Variants in DNAJC12 observed in about 807,000 individuals in gnomAD.
The protein encoded by DNAJC12 is dnaJ homolog subfamily C member 12.
DNAJC12 carries 25 observed loss-of-function variants against 28.5 expected under a neutral mutation model. The observed-to-expected ratio is 0.88, with a 90% CI of 0.64 to 1.22. The LOEUF (loss-of-function observed/expected upper bound fraction) is 1.22, where lower values mean the gene tolerates loss of function less well. Ranked by LOEUF, DNAJC12 falls within the 50% of genes most tolerant of loss-of-function variation. DNAJC12 has a pLI of 0.00. For missense variants in DNAJC12, 222 were observed against 231.7 expected (o/e 0.96, Z 0.27); for synonymous variants, 77 against 80.6 (o/e 0.95, Z 0.24).
At chr10:67,823,660 C>A (rs1202563221) in intron 1 of DNAJC12, among the ~76,000 whole-genome samples, 1 of 151,678 alleles carries the variant, frequency 6.6e-6, no homozygotes, top group South Asian at 2.1e-4. Context: ...ATGATGGCAC[C>A]GCTGCACTCC....
chr10:67,826,068 A>C (rs142366201), intron 1 of DNAJC12, among the ~76,000 whole-genome samples: 26 of 152,330 alleles, frequency 1.7e-4, no homozygotes, highest in African/African-American at 6.3e-4. Flanking sequence ...AAAAGTCAAA[A>C]TCCTTTTATT....
At chr10:67,826,457 T>C (rs1441900450) in intron 1 of DNAJC12, among the ~76,000 whole-genome samples, 1 of 74,636 alleles carries the variant, frequency 1.3e-5, no homozygotes, top group Non-Finnish European at 3.3e-5. Flanking sequence ...TTAATGCATA[T>C]ATATATATGC....
At chr10:67,817,201 C>T (rs1462381165) in intron 2 of DNAJC12, among the ~76,000 whole-genome samples, 2 of 152,188 alleles carry the variant, frequency 1.3e-5, no homozygotes, top group African/African-American at 4.8e-5. Context: ...TAAGCACTTT[C>T]CACATGCAGG....
At chr10:67,832,486 T>G (rs1251729715) in intron 1 of DNAJC12, among the ~76,000 whole-genome samples, 1 of 152,058 alleles carries the variant, frequency 6.6e-6, no homozygotes, top group African/African-American at 2.4e-5. Flanking sequence ...AGACACAAAA[T>G]AAATAATGGT....
At chr10:67,828,670 C>CTA (rs1205412662) in intron 1 of DNAJC12, among the ~76,000 whole-genome samples, 41 of 151,478 alleles carry the variant, frequency 2.7e-4, no homozygotes, top group African/African-American at 9.0e-4. Context: ...CTCTCTCTCT[C>CTA]TCTCTATATA....
At chr10:67,812,310 C>T (rs1335749017) in intron 2 of DNAJC12, among the ~76,000 whole-genome samples, 1 of 152,100 alleles carries the variant, frequency 6.6e-6, no homozygotes. Context: ...GACAATAGCT[C>T]AATCAACCAG....
intron 3 of DNAJC12, among the ~76,000 whole-genome samples, chr10:67,806,542 G>T (rs901681700): frequency 2.0e-5 from 3 of 152,286 alleles, no homozygotes; most frequent in African/African-American, 7.2e-5. Context: ...AAAGAAAAGA[G>T]GCTGGGCACA....
At chr10:67,814,778 C>T (rs958168407) in intron 2 of DNAJC12, among the ~76,000 whole-genome samples, 17 of 152,024 alleles carry the variant, frequency 1.1e-4, no homozygotes, top group African/African-American at 4.1e-4. Flanking sequence ...AGTATTAGTC[C>T]TTCAGGAAAT....
intron 1 of DNAJC12, among the ~76,000 whole-genome samples, chr10:67,829,853 C>G (rs554737874): frequency 2.7e-4 from 41 of 151,828 alleles, no homozygotes; most frequent in South Asian, 1.5e-3. Context: ...TTTTAACAAC[C>G]TGAGAAAATT....
chr10:67,805,314 AAG>A (rs1401692527), intron 4 of DNAJC12, among the ~76,000 whole-genome samples: 1 of 152,168 alleles, frequency 6.6e-6, no homozygotes, highest in Non-Finnish European at 1.5e-5. Context: ...AATATATGTA[AAG>A]AGTGTTCCTG....
Position 67,823,392 on chromosome 10 carries a change from C to A in DNAJC12, c.79G>T (p.Val27Phe), listed in dbSNP as rs1841999432. 2 of 1,613,692 alleles carry A rather than the reference C, an allele frequency of 1.2e-6. No individual in the cohort carries two copies. Among genetic ancestry groups the A allele is most frequent in the African/African-American group, 1.3e-5 (1 of 74,988 alleles). ...TLLGCDELSS[V>F]EQILAEFKVR... Reference sequence around the variant, plus strand: ...TTAAATTCTGCCAGGATTTGTTCAACCTGAAACAAAAATCAGTGTTTAAAA... The same window carrying A: ...TTAAATTCTGCCAGGATTTGTTCAAACTGAAACAAAAATCAGTGTTTAAAA... Residue 27 changes from valine to phenylalanine, a missense_variant and splice_region_variant, in exon 2 of 5, where the codon GTT (valine) becomes TTT (phenylalanine). Val to Phe is a conservative substitution (Grantham distance 50). Transcript: ENST00000225171.
At chr10:67,807,661 C>T (rs117378410) in intron 3 of DNAJC12, among the ~76,000 whole-genome samples, 6,563 of 152,166 alleles carry the variant, frequency 0.043, 172 homozygotes, top group South Asian at 0.11. Context: ...ATTCAGGGCC[C>T]AGAGAGCTGA....
chr10:67,826,392 C>T (rs946919956), intron 1 of DNAJC12, among the ~76,000 whole-genome samples: 23 of 150,618 alleles, frequency 1.5e-4, no homozygotes, highest in African/African-American at 5.4e-4. Context: ...CCTTGGCCTC[C>T]CAAAGTGCTG....
chr10:67,798,060 T>G (rs943452087), intron 4 of DNAJC12, among the ~76,000 whole-genome samples: 1 of 139,646 alleles, frequency 7.2e-6, no homozygotes, highest in African/African-American at 2.9e-5. Flanking sequence ...AAAAAAAAAG[T>G]ATAAACCTTT....
intron 4 of DNAJC12, among the ~76,000 whole-genome samples, chr10:67,801,121 A>G (rs1841739953): frequency 6.6e-6 from 1 of 152,180 alleles, no homozygotes; most frequent in African/African-American, 2.4e-5. Context: ...ACTTTTTGCA[A>G]TAAAGAATTA....
chr10:67,813,229 G>A (rs145642429), intron 2 of DNAJC12, among the ~76,000 whole-genome samples: 42 of 151,930 alleles, frequency 2.8e-4, no homozygotes, highest in African/African-American at 8.2e-4. Flanking sequence ...TAGGCATGGC[G>A]GTGGGCGCCT....
At chr10:67,803,760 G>A (rs570623622) in intron 4 of DNAJC12, among the ~76,000 whole-genome samples, 3 of 152,340 alleles carry the variant, frequency 2.0e-5, no homozygotes, top group Non-Finnish European at 4.4e-5. Context: ...ACATGTAGGG[G>A]AGTGATTGTA....
intron 4 of DNAJC12, among the ~76,000 whole-genome samples, chr10:67,801,071 G>C (rs1841739326): frequency 6.6e-6 from 1 of 152,118 alleles, no homozygotes; most frequent in Admixed American, 6.5e-5. Context: ...AAATGAGATT[G>C]TCTCGCACAG....
intron 2 of DNAJC12, among the ~76,000 whole-genome samples, chr10:67,818,311 T>C (rs1026704611): frequency 6.6e-6 from 1 of 152,208 alleles, no homozygotes; most frequent in Non-Finnish European, 1.5e-5. Flanking sequence ...AGTAAACGGA[T>C]GCTTAAATAG....
Sources: allele counts gnomAD v4.1 joint callset (sites outside exome capture counted in the v4.1 genomes callset), GRCh38; gene constraint gnomAD v4.1.1; transcripts MANE v1.5; gene names NCBI Gene and HGNC (gene_info 2026-07-23, HGNC 2026-07-21).